Variants in PLSCR2 observed in about 807,000 individuals in gnomAD.
PLSCR2 encodes the protein PL scramblase 2.
In PLSCR2, 18 loss-of-function variants were observed where a neutral mutation model predicts 25.3. The ratio of observed to expected loss-of-function variants is 0.71; its 90% CI spans 0.49 to 1.06. The LOEUF (loss-of-function observed/expected upper bound fraction) is 1.06, where lower values mean the gene tolerates loss of function less well. Among genes scored for constraint, PLSCR2 ranks in the 50% least tolerant of loss-of-function variants. The probability of loss-of-function intolerance (pLI) is 0.00; values close to 1 mark genes in which losing one functional copy is unlikely to be tolerated. For synonymous variants in PLSCR2, 88 were observed against 87.3 expected (o/e 1.01, Z -0.04); for missense variants, 243 against 269.5 (o/e 0.90, Z 0.69).
At chr3:146,426,387 CT>C (rs1229434067) in intron 2 of PLSCR2, among the ~76,000 whole-genome samples, 2 of 151,808 alleles carry the variant, frequency 1.3e-5, no homozygotes, top group African/African-American at 2.4e-5. Context: ...GTGATTATTG[CT>C]TTCATTTTCA....
intron 2 of PLSCR2, among the ~76,000 whole-genome samples, chr3:146,402,706 G>A (rs868264801): frequency 3.4e-4 from 51 of 152,198 alleles, no homozygotes; most frequent in Middle Eastern, 3.4e-3. Flanking sequence ...CTGACCTAAT[G>A]ATCGGCCCAC....
At chr3:146,421,072 A>G (rs901010664) in intron 2 of PLSCR2, among the ~76,000 whole-genome samples, 5 of 152,076 alleles carry the variant, frequency 3.3e-5, no homozygotes, top group African/African-American at 1.2e-4. Flanking sequence ...CCATGGAAGG[A>G]AAGTGGAGAG....
chr3:146,476,885 T>C (rs2042304687), intron 1 of PLSCR2, among the ~76,000 whole-genome samples: 1 of 152,244 alleles, frequency 6.6e-6, no homozygotes, highest in Non-Finnish European at 1.5e-5. Flanking sequence ...GGGGGAAGGA[T>C]AGTCATGGTC....
intron 1 of PLSCR2, among the ~76,000 whole-genome samples, chr3:146,482,416 GA>G: frequency 6.6e-6 from 1 of 152,226 alleles, no homozygotes; most frequent in South Asian, 2.1e-4. Context: ...GTGAGCAAAG[GA>G]TATGAACAGA....
Position 146,409,463 on chromosome 3 carries a change from G to A in PLSCR2, c.101-13542C>T, listed in dbSNP as rs116839580. On this transcript the variant is annotated intron_variant and NMD_transcript_variant, in intron 2 of 3. Coordinates refer to the PLSCR2 transcript ENST00000463633. ...GGAGGTAGAATTATGAATGACACAT[G>A]AGCAGAGCCATGGAGGGGGCCTTCT... is the stretch of plus-strand genomic sequence containing the variant. Among the ~76,000 whole-genome samples, 1,511 of 152,248 alleles carry A rather than the reference G, an allele frequency of 9.9e-3. 21 individuals are homozygous for A. Among genetic ancestry groups the A allele is most frequent in the African/African-American group, 0.024 (1,008 of 41,542 alleles).
At chr3:146,442,452 A>G (rs1209503732) in intron 6 of PLSCR2, among the ~76,000 whole-genome samples, 1 of 152,102 alleles carries the variant, frequency 6.6e-6, no homozygotes, top group East Asian at 1.9e-4. Context: ...CAGATATAGA[A>G]AAAATAATCA....
intron 2 of PLSCR2, chr3:146,398,683 A>C (rs1054021892): frequency 3.9e-5 from 6 of 152,180 alleles, no homozygotes; most frequent in Middle Eastern, 3.2e-3. Flanking sequence ...TCCCCAAGAC[A>C]GCTGAAGACC....
chr3:146,433,590 T>C (rs947303787), intron 8 of PLSCR2, 73 bp from the exon 8 acceptor site: 4 of 152,100 alleles, frequency 2.6e-5, no homozygotes, highest in African/African-American at 4.8e-5. Flanking sequence ...CTAATCCTCA[T>C]TTTGGGTTGG....
intron 2 of PLSCR2, among the ~76,000 whole-genome samples, chr3:146,411,893 T>G (rs1478984532): frequency 6.7e-6 from 1 of 150,134 alleles, no homozygotes; most frequent in Non-Finnish European, 1.5e-5. Context: ...GGGCTTTGGG[T>G]GTTATCAATT....
chr3:146,443,554 C>T (rs1289117151), intron 6 of PLSCR2, among the ~76,000 whole-genome samples: 1 of 151,934 alleles, frequency 6.6e-6, no homozygotes, highest in Non-Finnish European at 1.5e-5. Context: ...CATACAGTTG[C>T]TGACAGTAGT....
intron 2 of PLSCR2, among the ~76,000 whole-genome samples, chr3:146,408,180 G>A (rs142755061): frequency 7.9e-4 from 120 of 152,264 alleles, no homozygotes; most frequent in African/African-American, 2.8e-3. Context: ...ACAGCTCGCA[G>A]ACAACTTGGC....
chr3:146,392,080 CTATT>C (rs1361504067), intron 3 of PLSCR2, among the ~76,000 whole-genome samples: 1 of 151,888 alleles, frequency 6.6e-6, no homozygotes, highest in Admixed American at 6.6e-5. Context: ...GTTTTAATAT[CTATT>C]TATTACTCTA....
At chr3:146,394,441 T>C (rs1487921707) in intron 3 of PLSCR2, among the ~76,000 whole-genome samples, 3 of 152,010 alleles carry the variant, frequency 2.0e-5, no homozygotes, top group African/African-American at 7.2e-5. Flanking sequence ...TGATTTTGTA[T>C]TTTTAGTAGA....
At chr3:146,476,248 A>C (rs1229786932) in intron 1 of PLSCR2, among the ~76,000 whole-genome samples, 4 of 152,094 alleles carry the variant, frequency 2.6e-5, no homozygotes, top group African/African-American at 4.8e-5. Flanking sequence ...CACAGAGAGT[A>C]AGGAAATGCA....
At position 146,401,168 on chromosome 3, in the gene PLSCR2, CT is replaced by C. The variant is rs2038460547; in HGVS notation, c.101-5248del. ...AGAAAACATCTAAAGATTTTATGACCTTCATTGCCTAGAAAAAATTTGCAAT... is the reference window on the plus strand; with the variant it reads ...AGAAAACATCTAAAGATTTTATGACCTCATTGCCTAGAAAAAATTTGCAAT... On this transcript the variant is annotated intron_variant and NMD_transcript_variant, in intron 2 of 3. Transcript: ENST00000463633. Among the ~76,000 whole-genome samples the C allele has an allele frequency of 2.0e-5, 3 of 152,090 alleles. No individual in the cohort carries two copies. In the South Asian group the frequency reaches 6.2e-4, roughly 32 times the overall value.
upstream of PLSCR2, among the ~76,000 whole-genome samples, chr3:146,464,632 T>C (rs1388135697): frequency 6.6e-6 from 1 of 152,218 alleles, no homozygotes; most frequent in African/African-American, 2.4e-5. Context: ...GAATTATAGT[T>C]ACTCCAAAAC....
At chr3:146,476,530 C>T (rs2042291073) in intron 1 of PLSCR2, among the ~76,000 whole-genome samples, 3 of 152,238 alleles carry the variant, frequency 2.0e-5, no homozygotes, top group East Asian at 1.9e-4. Context: ...AAGCCTTCAT[C>T]ACTGCAGCTG....
exon 4 of PLSCR2, chr3:146,455,275 T>A (rs1385995007): frequency 6.2e-7 from 1 of 1,613,900 alleles, no homozygotes; most frequent in South Asian, 1.1e-5. Context: ...AACAGTTACA[T>A]CTTAGTGGTC....
At chr3:146,453,354 C>T (rs907726150) in intron 5 of PLSCR2, among the ~76,000 whole-genome samples, 5 of 151,800 alleles carry the variant, frequency 3.3e-5, no homozygotes, top group Non-Finnish European at 5.9e-5. Context: ...GTTATAAAAC[C>T]TTCTGATGGT....
Sources: gnomAD v4.1 joint callset for allele counts (sites outside exome capture counted in the v4.1 genomes callset) on GRCh38, gnomAD v4.1.1 for gene constraint, MANE v1.5 for transcripts, NCBI Gene and HGNC (gene_info 2026-07-23, HGNC 2026-07-21) for gene names.